The following DLD variants were observed in gnomAD, a reference collection of about 807,000 sequenced individuals.
DLD encodes dihydrolipoamide dehydrogenase.
DLD carries 36 observed loss-of-function variants against 62.2 expected under a neutral mutation model. The observed-to-expected ratio is 0.58, with a 90% CI of 0.44 to 0.76. The LOEUF (loss-of-function observed/expected upper bound fraction) is 0.76, where lower values mean the gene tolerates loss of function less well. Ranked by LOEUF, DLD falls within the 30% of genes least tolerant of loss-of-function variation. The pLI, the probability that DLD is intolerant of heterozygous loss-of-function variation, is 0.00. For synonymous variants in DLD, 204 were observed against 199.6 expected (o/e 1.02, Z -0.19); for missense variants, 541 against 608.6 (o/e 0.89, Z 1.17).
chr7:107,911,095 C>G (rs1472476458), intron 8 of DLD, among the ~76,000 whole-genome samples: 3 of 152,138 alleles, frequency 2.0e-5, no homozygotes, highest in Non-Finnish European at 2.9e-5. Context: ...TTGTCTAACT[C>G]TAGAACATTT....
chr7:107,915,484 G>A (rs776062680), intron 8 of DLD, 22 bp from the exon 9 acceptor site: 23 of 1,612,258 alleles, frequency 1.4e-5, no homozygotes, highest in Non-Finnish European at 2.0e-5. Flanking sequence ...ATGATTATTG[G>A]GTTTTTTTAA....
rs1338954313 is a variant in DLD, at chr7:107,920,421, C to T, written c.*1162C>T. On this transcript the variant is annotated 3_prime_UTR_variant, in exon 14 of 14. Transcript: ENST00000205402. ...TCATGCTCATGAGTGACATAATGAC[C>T]CTGGATTCTGTTACATACTTCTAAA... 6.6e-6 allele frequency: 1 copy of T among 152,024 alleles called. No individual in the cohort carries two copies. The highest frequency in any genetic ancestry group is 1.5e-5 in the Non-Finnish European group (1 of 67,998). The allele number at this position is 152,024 out of a possible 1,614,324, so 9.4% of individuals were successfully genotyped here.
At position 107,915,714 on chromosome 7, in the gene DLD, G is replaced by A; in HGVS notation, c.875+18G>A. ...GATGTTTCGTAAGTATACATCATTT[G>A]TTTTTGATGTATCATCCCTGTCTCT... On this transcript the variant is annotated intron_variant, in intron 9 of 13. Transcript: ENST00000205402. 1 of 1,604,830 alleles carries A rather than the reference G, an allele frequency of 6.2e-7. No individual in the cohort carries two copies. Among genetic ancestry groups the A allele is most frequent in the Middle Eastern group, 1.7e-4 (1 of 5,982 alleles).
rs2032372366 is a variant in DLD at position 107,920,108 on chromosome 7, A to G, written c.*849A>G. Reference sequence around the variant, plus strand: ...ACAATATTAAGGCATTTTAAAGGTCATCATCCTTTCATCTATTTTAGATAC... The same window carrying G: ...ACAATATTAAGGCATTTTAAAGGTCGTCATCCTTTCATCTATTTTAGATAC... On this transcript the variant is annotated 3_prime_UTR_variant, in exon 14 of 14. Transcript: ENST00000205402. 1 of 152,336 alleles carries G rather than the reference A, an allele frequency of 6.6e-6. No homozygotes were observed. Among genetic ancestry groups the G allele is most frequent in the African/African-American group, 2.4e-5 (1 of 41,456 alleles). The allele number at this position is 152,336 out of a possible 1,614,324, so 9.4% of individuals were successfully genotyped here.
chr7:107,891,394 C>A, intron 1 of DLD, 105 bp downstream of exon 1: 1 of 1,314,410 alleles, frequency 7.6e-7, no homozygotes, highest in Middle Eastern at 2.0e-4. Context: ...GAGGCGGGCG[C>A]CTGGGCCGCA....
rs147127235 is a variant in DLD at position 107,897,626 on chromosome 7, TG to T, written c.119-4108del. ...CTTGGTCTCACTCTATCATGCAAGC[TG>T]GGGTGCAATGGTGCGATCTTGGTTC... is the stretch of plus-strand genomic sequence containing the variant. On this transcript the variant is annotated intron_variant, in intron 2 of 13. Transcript: ENST00000205402. 8.8e-3 allele frequency among the ~76,000 whole-genome samples: 1,295 copies of T among 146,366 alleles called. 19 individuals carry two copies. Among genetic ancestry groups the T allele is most frequent in the African/African-American group, 0.032 (1,228 of 38,286 alleles).
chr7:107,916,728 T>G (rs1770876817), intron 9 of DLD, 66 bp from the exon 10 acceptor site: 11 of 1,518,350 alleles, frequency 7.2e-6, no homozygotes, highest in Non-Finnish European at 1.0e-5. Context: ...TTGCTGGCCT[T>G]AAATTTCTAA....
Position 107,902,376 on chromosome 7 carries a change from G to T in DLD, c.250G>T (p.Gly84Cys). 6.2e-7 allele frequency: 1 copy of T among 1,613,788 alleles called. No individual in the cohort carries two copies. Among genetic ancestry groups the T allele is most frequent in the Non-Finnish European group, 8.5e-7 (1 of 1,179,816 alleles). The change falls in exon 4 of 14, where the codon GGT (glycine) becomes TGT (cysteine). Residue 84 changes from glycine (G) to cysteine (C), a missense_variant. Physicochemically the swap from Gly to Cys is radical, Grantham distance 159. Coordinates refer to ENST00000205402, the MANE Select transcript of DLD (RefSeq NM_000108.5). ...ETLGGTCLNV[G>C]CIPSKALLNN... ...ACTTGGTGGAACATGCTTGAATGTTGGTTGTATTCCTTCTAAGGTGAGCAT... is the reference window on the plus strand; with the variant it reads ...ACTTGGTGGAACATGCTTGAATGTTTGTTGTATTCCTTCTAAGGTGAGCAT...
intron 8 of DLD, among the ~76,000 whole-genome samples, chr7:107,906,654 T>C (rs932410129): frequency 7.2e-5 from 11 of 152,248 alleles, no homozygotes; most frequent in African/African-American, 2.7e-4. Context: ...TTCAGATATT[T>C]GAGGACAGCT....
intron 8 of DLD, among the ~76,000 whole-genome samples, chr7:107,912,136 C>A (rs191519312): frequency 7.0e-4 from 106 of 152,160 alleles, no homozygotes; most frequent in Non-Finnish European, 1.2e-3. Flanking sequence ...CTTCCAGTTC[C>A]ATCTGTTCTG....
chr7:107,917,859 G>A, intron 11 of DLD, 65 bp from the exon 12 acceptor site: 1 of 1,600,976 alleles, frequency 6.2e-7, no homozygotes, highest in Non-Finnish European at 8.6e-7. Flanking sequence ...AATGGTAGAT[G>A]ATTTTACAAA....
At chr7:107,912,340 TA>T (rs2032163992) in intron 8 of DLD, among the ~76,000 whole-genome samples, 1 of 152,172 alleles carries the variant, frequency 6.6e-6, no homozygotes. Context: ...TTTGGATATA[TA>T]CCCAGTAGTG....
At position 107,921,156 on chromosome 7, in the gene DLD, T is replaced by C. The variant is rs1239812439; in HGVS notation, c.*1897T>C. The C allele has an allele frequency of 1.3e-5, 2 of 152,346 alleles. No individual in the cohort carries two copies. 9.4% of individuals were successfully genotyped at this position (152,346 alleles called of 1,614,324 possible). On this transcript the variant is annotated 3_prime_UTR_variant, in exon 14 of 14. Transcript: ENST00000205402. ...GTATGAGAATGCAAATTTATCTGTA[T>C]GGGGAATAAAGTCCTAGGAATAAAA...
intron 2 of DLD, among the ~76,000 whole-genome samples, chr7:107,895,482 C>G (rs548230658): frequency 6.6e-6 from 1 of 152,194 alleles, no homozygotes; most frequent in Admixed American, 6.5e-5. Context: ...ACTTGTAACA[C>G]TTAAACTTAC....
intron 1 of DLD, among the ~76,000 whole-genome samples, chr7:107,892,980 TAAA>T (rs2031626443): frequency 6.6e-6 from 1 of 152,202 alleles, no homozygotes; most frequent in Non-Finnish European, 1.5e-5. Context: ...CTATTGATAA[TAAA>T]AAGATGGGTG....
At position 107,915,550 on chromosome 7, in the gene DLD, A is replaced by G. The variant is rs2032247071; in HGVS notation, c.729A>G (p.Glu243=). ...QRLGADVTAV[E]FLGHVGGVGI... ...TTGGTGCAGATGTGACAGCAGTTGA[A>G]TTTTTAGGTCATGTAGGTGGAGTTG... Residue 243 remains glutamate, a synonymous_variant, in exon 9 of 14, where the codon GAA becomes GAG. Coordinates refer to ENST00000205402, the MANE Select transcript of DLD (RefSeq NM_000108.5). 4 of 1,613,892 alleles carry G rather than the reference A, an allele frequency of 2.5e-6. No individual in the cohort carries two copies. Among genetic ancestry groups the G allele is most frequent in the Non-Finnish European group, 3.4e-6 (4 of 1,179,918 alleles).
At chr7:107,917,580 T>G in intron 11 of DLD, 118 bp downstream of exon 11, 1 of 1,050,690 alleles carries the variant, frequency 9.5e-7, no homozygotes, top group Non-Finnish European at 1.5e-6. Context: ...AAATATTGTT[T>G]AGCTTATATA....
intron 1 of DLD, 39 bp downstream of exon 1, chr7:107,891,328 C>T: frequency 6.2e-7 from 1 of 1,612,912 alleles, no homozygotes; most frequent in Non-Finnish European, 8.5e-7. Context: ...GAGCCAGAGG[C>T]ACGGAAGGTC....
chr7:107,897,526 A>C (rs1584458853), intron 2 of DLD, among the ~76,000 whole-genome samples: 1 of 151,662 alleles, frequency 6.6e-6, no homozygotes. Flanking sequence ...TGGCTCACTA[A>C]CTGGCACATT....
Sources: gnomAD v4.1 joint callset for allele counts (sites outside exome capture counted in the v4.1 genomes callset) on GRCh38, gnomAD v4.1.1 for gene constraint, MANE v1.5 for transcripts, NCBI Gene and HGNC (gene_info 2026-07-23, HGNC 2026-07-21) for gene names.